The following CWC22 variants were observed in gnomAD, a reference collection of about 807,000 sequenced individuals.
The protein encoded by CWC22 is pre-mRNA-splicing factor CWC22 homolog.
Under a neutral mutation model 117.2 loss-of-function variants are expected in CWC22, and 53 were observed. That is an observed-to-expected ratio of 0.45 (90% confidence interval 0.36 to 0.57). The LOEUF is 0.57. Ranked by LOEUF, CWC22 falls within the 20% of genes least tolerant of loss-of-function variation. The probability of loss-of-function intolerance (pLI) is 0.00; values close to 1 mark genes in which losing one functional copy is unlikely to be tolerated. For synonymous variants in CWC22, 360 were observed against 355.6 expected (o/e 1.01, Z -0.14); for missense variants, 980 against 1,068.8 (o/e 0.92, Z 1.16).
In CWC22 at chr2:179,965,959, C is replaced by T. The variant is rs1260250909; in HGVS notation, c.1234G>A (p.Asp412Asn). The change falls in exon 12 of 20, where the codon GAC (aspartate) becomes AAC (asparagine). Residue 412 changes from aspartate to asparagine, a missense_variant. Physicochemically the swap from Asp to Asn is conservative, Grantham distance 23. This residue lies in a region of CWC22 where 559 missense variants were observed against 602.3 expected (regional missense o/e 0.93). Transcript: ENST00000410053. ...CCAGCATCCTGGTCTGTGTTCGAGT[C>T]AGTATCTCCCTCATCAAGAATTTCT... The part of the protein sequence containing the change: ...KKEILDEGDT[D>N]SNTDQDAGSS... The T allele has an allele frequency of 6.2e-7, 1 of 1,611,288 alleles. No individual in the cohort carries two copies. The highest frequency in any genetic ancestry group is 8.5e-7 in the Non-Finnish European group (1 of 1,178,276).
At chr2:179,973,969 GA>G (rs1442855092) in intron 6 of CWC22, among the ~76,000 whole-genome samples, 167 bp from the exon 7 acceptor site, 2 of 152,102 alleles carry the variant, frequency 1.3e-5, no homozygotes, top group Non-Finnish European at 2.9e-5. Flanking sequence ...TTGTTTTTCA[GA>G]AAACGAAATG....
intron 2 of CWC22, among the ~76,000 whole-genome samples, chr2:179,989,369 C>T (rs185971338): frequency 3.3e-5 from 5 of 152,062 alleles, no homozygotes; most frequent in African/African-American, 9.6e-5. Context: ...GTGATCTTCT[C>T]GCCTCAGCCA....
intron 6 of CWC22, 125 bp downstream of exon 6, chr2:179,978,065 A>G: frequency 1.8e-6 from 2 of 1,137,056 alleles, no homozygotes; most frequent in East Asian, 3.3e-5. Flanking sequence ...TGCATTTTAA[A>G]TAAATATTCT....
At chr2:179,982,378 C>T (rs1416972324) in intron 4 of CWC22, among the ~76,000 whole-genome samples, 1 of 152,146 alleles carries the variant, frequency 6.6e-6, no homozygotes, top group Non-Finnish European at 1.5e-5. Context: ...AATCTTAAAA[C>T]ATATGTAAAG....
intron 1 of CWC22, 35 bp from the exon 2 acceptor site, chr2:179,993,489 T>A: frequency 1.7e-6 from 1 of 593,048 alleles, no homozygotes; most frequent in Non-Finnish European, 3.0e-6. Context: ...TTATTAACAC[T>A]AACAAAGTGT....
chr2:179,947,490 T>C (rs1686339805), intron 19 of CWC22, among the ~76,000 whole-genome samples: 1 of 152,268 alleles, frequency 6.6e-6, no homozygotes, highest in South Asian at 2.1e-4. Flanking sequence ...TGCTATTTAG[T>C]ATTTTATTAA....
At chr2:179,966,413 A>C (rs1559289066) in intron 11 of CWC22, among the ~76,000 whole-genome samples, 1 of 152,242 alleles carries the variant, frequency 6.6e-6, no homozygotes, top group Non-Finnish European at 1.5e-5. Context: ...TGTACTTGGA[A>C]AGACAAAGAA....
At chr2:179,975,304 AG>A (rs1228458008) in intron 6 of CWC22, among the ~76,000 whole-genome samples, 1 of 152,192 alleles carries the variant, frequency 6.6e-6, no homozygotes, top group Non-Finnish European at 1.5e-5. Flanking sequence ...ATTGGAATAA[AG>A]GCCATATATG....
At chr2:179,991,371 A>C (rs1177216026) in intron 2 of CWC22, among the ~76,000 whole-genome samples, 2 of 152,172 alleles carry the variant, frequency 1.3e-5, no homozygotes, top group African/African-American at 4.8e-5. Context: ...GGAAGAGCTG[A>C]GTTTCACCTA....
In CWC22 at chr2:179,988,608, A is replaced by G. The variant is rs373259971; in HGVS notation, c.64T>C (p.Ser22Pro). ...TCTGGAGAGGAGTTCCTCTGATATG[A>G]ATTAAGGTTTTCCCTTCTGTCATGA... ...SGHDRRENLN[S>P]YQRNSSPEDR... Residue 22 changes from serine to proline, a missense_variant, in exon 3 of 20, where the codon TCA becomes CCA. Ser to Pro is a moderately conservative substitution (Grantham distance 74). Around this residue, in one of 3 missense-constraint regions of CWC22, gnomAD observed 559 missense variants for 602.3 expected, o/e 0.93. Coordinates refer to ENST00000410053, the MANE Select transcript of CWC22 (RefSeq NM_020943.3). The G allele has an allele frequency of 2.0e-6, 3 of 1,531,848 alleles. No homozygotes were observed. The African/African-American group carries it at 4.1e-5, about 21-fold the overall frequency. 94.9% of individuals were successfully genotyped at this position (1,531,848 alleles called of 1,614,324 possible).
intron 6 of CWC22, among the ~76,000 whole-genome samples, chr2:179,977,296 A>G (rs1215945463): frequency 2.0e-5 from 3 of 152,246 alleles, no homozygotes; most frequent in Admixed American, 1.3e-4. Flanking sequence ...TTGCAGCATT[A>G]TTCACAATGG....
Position 179,959,035 on chromosome 2 carries a change from G to A in CWC22, c.1445C>T (p.Pro482Leu), listed in dbSNP as rs1396495060. The A allele has an allele frequency of 6.4e-7, 1 of 1,564,690 alleles. No individual in the cohort carries two copies. Among genetic ancestry groups the A allele is most frequent in the South Asian group, 1.2e-5 (1 of 85,418 alleles). Residue 482 changes from proline (P) to leucine (L), a missense_variant, in exon 14 of 20, where the codon CCT (proline) becomes CTT (leucine). By Grantham distance (98) the Pro-to-Leu change is moderately conservative. Coordinates refer to ENST00000410053, the MANE Select transcript of CWC22 (RefSeq NM_020943.3). Reference protein sequence around the residue: ...CAHKLLKMEFPESQTKELCNM... With the variant: ...CAHKLLKMEFLESQTKELCNM... ...GTATTAACATACTGTTTGGCTTTCA[G>A]GAAACTCCATTTTCAGCAATTTGTG...
chr2:180,003,680 A>G (rs1293577479), intron 1 of CWC22, among the ~76,000 whole-genome samples: 1 of 152,306 alleles, frequency 6.6e-6, no homozygotes. Context: ...AAGGACTCAC[A>G]GGGTAACTTT....
At chr2:179,991,523 C>G (rs971738637) in intron 2 of CWC22, among the ~76,000 whole-genome samples, 1 of 152,120 alleles carries the variant, frequency 6.6e-6, no homozygotes, top group Non-Finnish European at 1.5e-5. Flanking sequence ...CACCCACGGG[C>G]AGGCTGGGGG....
At chr2:179,971,882 C>T (rs2105529163) in intron 8 of CWC22, among the ~76,000 whole-genome samples, 1 of 152,204 alleles carries the variant, frequency 6.6e-6, no homozygotes, top group East Asian at 1.9e-4. Flanking sequence ...TCAAAGACAC[C>T]CACTACTTCT....
At chr2:180,002,764 G>C (rs764922415) in intron 1 of CWC22, among the ~76,000 whole-genome samples, 16 of 152,208 alleles carry the variant, frequency 1.1e-4, no homozygotes, top group African/African-American at 3.4e-4. Context: ...TATCCATATC[G>C]AAAGGGGAAA....
At chr2:179,967,863 G>A (rs1038254752) in intron 11 of CWC22, among the ~76,000 whole-genome samples, 1 of 151,822 alleles carries the variant, frequency 6.6e-6, no homozygotes, top group Non-Finnish European at 1.5e-5. Context: ...ACTAACTATA[G>A]TTGTTAGATA....
At chr2:179,955,102 G>T in intron 14 of CWC22, 68 bp from the exon 15 acceptor site, 1 of 1,129,168 alleles carries the variant, frequency 8.9e-7, no homozygotes, top group Non-Finnish European at 1.3e-6. Flanking sequence ...TAATTTACCA[G>T]TATGATAGTG....
At chr2:179,980,222 C>G (rs1337057729) in intron 5 of CWC22, among the ~76,000 whole-genome samples, 2 of 152,138 alleles carry the variant, frequency 1.3e-5, no homozygotes, top group African/African-American at 4.8e-5. Context: ...GAAGGTCCTA[C>G]TAACCACAGA....
Sources: allele counts gnomAD v4.1 joint callset (sites outside exome capture counted in the v4.1 genomes callset), GRCh38; gene constraint gnomAD v4.1.1; regional missense constraint gnomAD v4.1.1; transcripts MANE v1.5; gene names NCBI Gene and HGNC (gene_info 2026-07-23, HGNC 2026-07-21).